The following GMDS variants were observed in gnomAD, a reference collection of about 807,000 sequenced individuals.
GMDS encodes the protein GDP-mannose 4,6 dehydratase.
A neutral mutation model predicts 49.9 loss-of-function variants in GMDS; 20 were observed. The ratio of observed to expected loss-of-function variants is 0.40; its 90% CI spans 0.28 to 0.58. GMDS has a LOEUF of 0.58. GMDS is among the 20% of genes least tolerant of loss of function. The pLI is 0.42. For missense variants in GMDS, 362 were observed against 481.4 expected, an observed-to-expected ratio of 0.75 and a Z score of 2.32; for synonymous variants, 177 against 178.6, an observed-to-expected ratio of 0.99 and a Z score of 0.07.
chr6:1,791,685 G>C (rs1769548333), intron 7 of GMDS, among the ~76,000 whole-genome samples: 1 of 152,142 alleles, frequency 6.6e-6, no homozygotes, highest in South Asian at 2.1e-4. Context: ...TTCCTCCTAA[G>C]TGGAATTAAC....
chr6:2,040,775 A>G (rs969476025), intron 4 of GMDS, among the ~76,000 whole-genome samples: 1 of 152,158 alleles, frequency 6.6e-6, no homozygotes. Flanking sequence ...CTCTCCTTCC[A>G]GAGGTGTCCT....
intron 4 of GMDS, among the ~76,000 whole-genome samples, chr6:1,986,901 T>C (rs969337622): frequency 4.6e-5 from 7 of 152,120 alleles, no homozygotes; most frequent in Non-Finnish European, 1.0e-4. Flanking sequence ...GTAAGAAGGA[T>C]GGTAAATAAG....
At chr6:2,080,433 G>C (rs1056652668) in intron 4 of GMDS, among the ~76,000 whole-genome samples, 2 of 152,146 alleles carry the variant, frequency 1.3e-5, no homozygotes, top group African/African-American at 4.8e-5. Context: ...TCTGGTGTCA[G>C]TCACTGCCTT....
chr6:1,897,430 C>G (rs1760258521), intron 7 of GMDS, among the ~76,000 whole-genome samples: 1 of 152,066 alleles, frequency 6.6e-6, no homozygotes, highest in Admixed American at 6.5e-5. Context: ...AAAATTCAGC[C>G]CATAGCAGAG....
chr6:1,828,421 CA>C (rs1315464744), intron 7 of GMDS, among the ~76,000 whole-genome samples: 4 of 152,134 alleles, frequency 2.6e-5, no homozygotes, highest in Admixed American at 2.0e-4. Context: ...TGATGAAAAA[CA>C]TGACTCTACA....
intron 9 of GMDS, among the ~76,000 whole-genome samples, chr6:1,670,237 G>T (rs1179123308): frequency 2.0e-5 from 3 of 152,174 alleles, no homozygotes; most frequent in African/African-American, 7.2e-5. Flanking sequence ...GGTGTGAAAT[G>T]ACTGTAATGA....
chr6:2,144,633 A>G (rs1776463985), intron 1 of GMDS, among the ~76,000 whole-genome samples: 1 of 152,208 alleles, frequency 6.6e-6, no homozygotes, highest in East Asian at 1.9e-4. Flanking sequence ...TCTCAAAGGC[A>G]TGCTCCTGGC....
intron 7 of GMDS, among the ~76,000 whole-genome samples, chr6:1,765,352 G>A (rs1162009161): frequency 6.6e-6 from 1 of 152,130 alleles, no homozygotes; most frequent in African/African-American, 2.4e-5. Context: ...GCTGGGGATG[G>A]TGTTAACAAG....
chr6:2,232,720 A>G (rs1402003560), intron 1 of GMDS, among the ~76,000 whole-genome samples: 1 of 152,204 alleles, frequency 6.6e-6, no homozygotes, highest in Admixed American at 6.5e-5. Context: ...CAGCTCTCAG[A>G]GAACAGCACT....
At chr6:1,802,425 TA>T (rs1241095066) in intron 7 of GMDS, among the ~76,000 whole-genome samples, 8 of 152,240 alleles carry the variant, frequency 5.3e-5, no homozygotes, top group African/African-American at 7.2e-5. Flanking sequence ...GAAGTATATT[TA>T]AAAAAATGTT....
chr6:2,135,458 C>A (rs1350166104), intron 1 of GMDS, among the ~76,000 whole-genome samples: 1 of 152,258 alleles, frequency 6.6e-6, no homozygotes, highest in Non-Finnish European at 1.5e-5. Flanking sequence ...ATGGAGCAAT[C>A]AATCAGCTAA....
chr6:2,016,845 T>C (rs747149880), intron 4 of GMDS, among the ~76,000 whole-genome samples: 4 of 152,004 alleles, frequency 2.6e-5, no homozygotes, highest in Non-Finnish European at 4.4e-5. Flanking sequence ...ACAAGAGAAA[T>C]TAGAATATGT....
At chr6:2,104,910 C>A (rs755356955) in intron 4 of GMDS, among the ~76,000 whole-genome samples, 1 of 152,050 alleles carries the variant, frequency 6.6e-6, no homozygotes, top group African/African-American at 2.4e-5. Flanking sequence ...TAACCGGGTG[C>A]GGTGGCTCAC....
intron 7 of GMDS, among the ~76,000 whole-genome samples, chr6:1,884,612 C>T (rs1581304515): frequency 6.6e-6 from 1 of 152,218 alleles, no homozygotes; most frequent in Non-Finnish European, 1.5e-5. Flanking sequence ...ATAACTGAAG[C>T]AGTGGAATGC....
At position 1,830,247 on chromosome 6, in the gene GMDS, G is replaced by T. The variant is rs143079486; in HGVS notation, c.772-87661C>A. On this transcript the variant is annotated intron_variant, in intron 7 of 10. Coordinates refer to ENST00000380815, the MANE Select transcript of GMDS (RefSeq NM_001500.4). ...AATTCTATTCACTAAAACTACTCTA[G>T]ATCAGGATTTCCCAACCTAGGCACT... Among the ~76,000 whole-genome samples the T allele has an allele frequency of 1.7e-3, 257 of 152,232 alleles. 1 individual carries two copies. The highest frequency in any genetic ancestry group is 5.9e-3 in the African/African-American group (247 of 41,560).
intron 6 of GMDS, among the ~76,000 whole-genome samples, chr6:1,947,620 A>G (rs1263623705): frequency 6.6e-6 from 1 of 152,292 alleles, no homozygotes; most frequent in Non-Finnish European, 1.5e-5. Context: ...CAGGAATCTT[A>G]AACTTACCAA....
rs567195328 is a variant in GMDS, at chr6:1,977,771, C to A, written c.346-16805G>T. 1.4e-4 allele frequency among the ~76,000 whole-genome samples: 21 copies of A among 152,306 alleles called. No homozygotes were observed. The East Asian group carries it at 4.1e-3, about 29-fold the overall frequency. On this transcript the variant is annotated intron_variant, in intron 4 of 10. Transcript: ENST00000380815. ...CAACCCACGGATCAGGAGATCCCCT[C>A]GTGAGCCCATGCTACCAGGGCCTTG... is the stretch of plus-strand genomic sequence containing the variant.
intron 1 of GMDS, among the ~76,000 whole-genome samples, chr6:2,147,801 T>G (rs2127534559): frequency 6.7e-6 from 1 of 150,130 alleles, no homozygotes; most frequent in South Asian, 2.2e-4. Flanking sequence ...TAAAGATGTA[T>G]CCAAGCCTAG....
At chr6:2,161,231 G>C (rs57230788) in intron 1 of GMDS, among the ~76,000 whole-genome samples, 2 of 151,656 alleles carry the variant, frequency 1.3e-5, no homozygotes, top group African/African-American at 2.4e-5. Flanking sequence ...GGATGGTCTC[G>C]ATCTCCTGAC....
Sources: gnomAD v4.1 joint callset for allele counts (sites outside exome capture counted in the v4.1 genomes callset) on GRCh38, gnomAD v4.1.1 for gene constraint, MANE v1.5 for transcripts, NCBI Gene and HGNC (gene_info 2026-07-23, HGNC 2026-07-21) for gene names.